Variants in PSME4 observed in about 807,000 individuals in gnomAD.
PSME4 encodes the protein proteasome activator subunit 4, also known as proteasome activator complex subunit 4.
A neutral mutation model predicts 253.9 loss-of-function variants in PSME4; 89 were observed. The observed-to-expected ratio is 0.35, with a 90% CI of 0.30 to 0.42. The LOEUF (loss-of-function observed/expected upper bound fraction) is 0.42, where lower values mean the gene tolerates loss of function less well. PSME4 is among the 10% of genes least tolerant of loss of function. PSME4 has a pLI of 1.00. For synonymous variants in PSME4, 851 were observed against 759.2 expected, an observed-to-expected ratio of 1.12 and a Z score of -1.99; for missense variants, 2,014 against 2,195.2, an observed-to-expected ratio of 0.92 and a Z score of 1.65.
At chr2:53,966,148 G>C (rs1222606319) in intron 1 of PSME4, among the ~76,000 whole-genome samples, 1 of 152,078 alleles carries the variant, frequency 6.6e-6, no homozygotes, top group African/African-American at 2.4e-5. Context: ...GGTCAAGTGT[G>C]GTGGTACTCA....
chr2:53,885,927 A>G (rs139876725), intron 40 of PSME4, 152 bp from the exon 41 acceptor site: 235 of 517,626 alleles, frequency 4.5e-4, no homozygotes, highest in African/African-American at 4.2e-3. Flanking sequence ...TAAATTAGAC[A>G]CTTATTAAGA....
intron 41 of PSME4, among the ~76,000 whole-genome samples, chr2:53,879,801 C>CAAA (rs55730803): frequency 2.2e-5 from 2 of 89,934 alleles, no homozygotes; most frequent in South Asian, 4.0e-4. Flanking sequence ...GACCCTGTCT[C>CAAA]AAAAAAAAAA....
intron 1 of PSME4, among the ~76,000 whole-genome samples, chr2:53,966,891 G>A (rs567937713): frequency 1.3e-5 from 2 of 152,162 alleles, no homozygotes; most frequent in African/African-American, 4.8e-5. Flanking sequence ...GTAGAGATGG[G>A]GTTTCACCAT....
At chr2:53,959,875 G>T (rs371304279) in intron 1 of PSME4, among the ~76,000 whole-genome samples, 2 of 152,092 alleles carry the variant, frequency 1.3e-5, no homozygotes, top group African/African-American at 4.8e-5. Context: ...CCAACAACTC[G>T]CAATCAAATA....
At chr2:53,931,181 G>T (rs1210473656) in intron 10 of PSME4, among the ~76,000 whole-genome samples, 1 of 152,180 alleles carries the variant, frequency 6.6e-6, no homozygotes, top group Non-Finnish European at 1.5e-5. Flanking sequence ...AGGAGGCTGA[G>T]GCAGGGGAAT....
intron 41 of PSME4, among the ~76,000 whole-genome samples, chr2:53,883,174 T>G: frequency 6.6e-6 from 1 of 152,200 alleles, no homozygotes; most frequent in East Asian, 1.9e-4. Flanking sequence ...TTACTGAAAT[T>G]TTCCACAAAC....
chr2:53,947,433 T>C (rs1393107791), intron 3 of PSME4, among the ~76,000 whole-genome samples: 3 of 151,944 alleles, frequency 2.0e-5, no homozygotes, highest in African/African-American at 7.3e-5. Context: ...AGGCTGGGGG[T>C]GGTGGCTCAC....
At chr2:53,954,922 A>G (rs1021775584) in intron 1 of PSME4, among the ~76,000 whole-genome samples, 1 of 152,112 alleles carries the variant, frequency 6.6e-6, no homozygotes, top group Non-Finnish European at 1.5e-5. Flanking sequence ...GCTCACGTCT[A>G]TAATCCTAGC....
chr2:53,962,822 C>T (rs904914056), intron 1 of PSME4, among the ~76,000 whole-genome samples: 1 of 151,874 alleles, frequency 6.6e-6, no homozygotes, highest in Non-Finnish European at 1.5e-5. Context: ...ACCATCCTGG[C>T]CAATAAGGTG....
intron 8 of PSME4, 171 bp from the exon 9 acceptor site, chr2:53,932,931 T>C (rs1257941014): frequency 3.6e-6 from 2 of 559,180 alleles, no homozygotes; most frequent in Non-Finnish European, 6.3e-6. Flanking sequence ...ATGAACTTCA[T>C]GCAAACCAAC....
At chr2:53,928,404 A>G in intron 10 of PSME4, 101 bp from the exon 11 acceptor site, 1 of 959,758 alleles carries the variant, frequency 1.0e-6, no homozygotes, top group Admixed American at 2.8e-5. Flanking sequence ...TTTGACTTAA[A>G]GGCTTACAGT....
In PSME4 at chr2:53,931,748, CA is replaced by C. The variant is rs1226337842; in HGVS notation, c.1316+86del. The C allele has an allele frequency of 4.2e-6, 6 of 1,422,028 alleles. No homozygotes were observed. The East Asian group carries it at 1.4e-4, about 33-fold the overall frequency. The allele number at this position is 1,422,028 out of a possible 1,614,324, so 88.1% of individuals were successfully genotyped here. ...AGGAATAAGCATCGAAGAAGCAAAA[CA>C]GAAGCCACAGAGGAGAAAAGAGAAT... is the stretch of plus-strand genomic sequence containing the variant. On this transcript the variant is annotated intron_variant, in intron 10 of 46. Transcript: ENST00000404125.
At chr2:53,868,174 A>C (rs1678663818) in intron 44 of PSME4, among the ~76,000 whole-genome samples, 2 of 152,008 alleles carry the variant, frequency 1.3e-5, no homozygotes, top group African/African-American at 4.8e-5. Flanking sequence ...CAGAGTTCTC[A>C]GGCCAGGTGC....
intron 24 of PSME4, among the ~76,000 whole-genome samples, chr2:53,907,509 T>C (rs1680714890): frequency 2.0e-5 from 3 of 152,320 alleles, no homozygotes; most frequent in East Asian, 1.9e-4. Flanking sequence ...ACTCCCTTTC[T>C]TGCTTACAGT....
chr2:53,939,621 T>C (rs933136713), intron 4 of PSME4, among the ~76,000 whole-genome samples: 67 of 152,208 alleles, frequency 4.4e-4, no homozygotes, highest in Non-Finnish European at 3.5e-4. Context: ...CTACAGAACA[T>C]AGTTGAAAAA....
Position 53,893,713 on chromosome 2 carries a change from T to C in PSME4, c.3999A>G (p.Gly1333=), listed in dbSNP as rs768517318. The change falls in exon 35 of 47, where the codon GGA becomes GGG. Residue 1333 remains glycine (G), a synonymous_variant. Coordinates refer to ENST00000404125, the MANE Select transcript of PSME4 (RefSeq NM_014614.3). The part of the protein sequence containing the change: ...ITFLSLEDRK[G]KDKFNPRRFC... ...AACGTCGTGGATTAAACTTATCTTT[T>C]CCTTTTCTGTCTTCTAATGATAGAA... 1 of 1,610,804 alleles carries C rather than the reference T, an allele frequency of 6.2e-7. No individual in the cohort carries two copies. The highest frequency in any genetic ancestry group is 1.1e-5 in the South Asian group (1 of 90,526).
chr2:53,868,207 A>T (rs1308013564), intron 44 of PSME4, among the ~76,000 whole-genome samples: 1 of 151,902 alleles, frequency 6.6e-6, no homozygotes, highest in African/African-American at 2.4e-5. Flanking sequence ...CTGTAATCCC[A>T]GTATTCTAGA....
In PSME4 at chr2:53,955,427, T is replaced by A. The variant is rs1176469792; in HGVS notation, c.243-6144A>T. ...ATCATTAGCGTTAGTATATTTTATG[T>A]GTGGCCCAAGACAATTCTTCCAATG... On this transcript the variant is annotated intron_variant, in intron 1 of 46. Transcript: ENST00000404125. Among the ~76,000 whole-genome samples, 4 of 152,190 alleles carry A rather than the reference T, an allele frequency of 2.6e-5. No individual in the cohort carries two copies. The East Asian group carries it at 7.7e-4, about 29-fold the overall frequency.
Position 53,923,058 on chromosome 2 carries a change from G to C in PSME4, c.1969C>G (p.Leu657Val). Residue 657 changes from leucine (L) to valine (V), a missense_variant, in exon 16 of 47, where the codon CTT (leucine) becomes GTT (valine). Leu to Val is a conservative substitution (Grantham distance 32, BLOSUM62 1). Transcript: ENST00000404125. The stretch of plus-strand genomic sequence containing the variant: ...TGACCTTATGACTTACTCATTGTAA[G>C]CTGAGTTATAACACTGCAGCAGTGG... ...VPHCCSVITQ[L>V]TMNDDVLNDE... 4 of 1,575,902 alleles carry C rather than the reference G, an allele frequency of 2.5e-6. No individual in the cohort carries two copies. Among genetic ancestry groups the C allele is most frequent in the Non-Finnish European group, 3.5e-6 (4 of 1,158,804 alleles).
Sources: allele counts gnomAD v4.1 joint callset (sites outside exome capture counted in the v4.1 genomes callset), GRCh38; gene constraint gnomAD v4.1.1; transcripts MANE v1.5; gene names NCBI Gene and HGNC (gene_info 2026-07-23, HGNC 2026-07-21).